The following IGF2BP1 variants were observed in gnomAD, a reference collection of about 807,000 sequenced individuals.
IGF2BP1 encodes the protein insulin-like growth factor 2 mRNA-binding protein 1.
In IGF2BP1, 11 loss-of-function variants were observed where a neutral mutation model predicts 74.9. That is an observed-to-expected ratio of 0.15 (90% CI 0.09 to 0.24). The LOEUF is 0.24. Ranked by LOEUF, IGF2BP1 falls within the 10% of genes least tolerant of loss-of-function variation. IGF2BP1 has a pLI of 1.00. For synonymous variants in IGF2BP1, 287 were observed against 281.8 expected (o/e 1.02, Z -0.18); for missense variants, 440 against 757.4 (o/e 0.58, Z 4.92).
At chr17:49,026,129 C>CA (rs1288173143) in intron 3 of IGF2BP1, among the ~76,000 whole-genome samples, 2 of 152,036 alleles carry the variant, frequency 1.3e-5, no homozygotes, top group Non-Finnish European at 2.9e-5. Flanking sequence ...CCCACAGCCC[C>CA]ATCTTTAGGT....
rs1330672692 is a variant in IGF2BP1 at position 49,055,060 on chromosome 17, T to TG, written c.*5617dup. ...TAAATTAGGTAGTGGCAGCTCCACT[T>TG]GCTTAGGTTAGGGGGGGAAAAAGAT... On this transcript the variant is annotated 3_prime_UTR_variant, in exon 15 of 15. Coordinates refer to ENST00000290341, the MANE Select transcript of IGF2BP1 (RefSeq NM_006546.4). 1.5e-4 allele frequency: 23 copies of TG among 150,510 alleles called. No individual in the cohort carries two copies. Among genetic ancestry groups the TG allele is most frequent in the Non-Finnish European group, 3.0e-5 (2 of 67,680 alleles). 9.3% of individuals were successfully genotyped at this position (150,510 alleles called of 1,614,324 possible). A position where few individuals can be genotyped will look rare whatever the true frequency, so the allele number is the denominator to read the frequency against.
chr17:49,016,891 G>A (rs889707751), intron 2 of IGF2BP1, among the ~76,000 whole-genome samples: 2 of 149,254 alleles, frequency 1.3e-5, no homozygotes, highest in Admixed American at 6.8e-5. Flanking sequence ...CTGGGCTTTC[G>A]GCCAGCTCCT....
chr17:49,032,207 G>A (rs2041930436), intron 5 of IGF2BP1, among the ~76,000 whole-genome samples: 2 of 152,120 alleles, frequency 1.3e-5, no homozygotes, highest in Non-Finnish European at 2.9e-5. Flanking sequence ...AAGATTGATA[G>A]CAAAAATACA....
Position 48,997,983 on chromosome 17 carries a change from C to G in IGF2BP1, c.175+63C>G. On this transcript the variant is annotated intron_variant, in intron 1 of 14. Coordinates refer to ENST00000290341, the MANE Select transcript of IGF2BP1 (RefSeq NM_006546.4). The surrounding 1 kb of genome is among the most constrained non-coding windows in gnomAD (Gnocchi z 4.8). ...GAGCCCCGAACAACGGAGACCCGCA[C>G]CTTCCGGTTCCTCTCCCGCCAACTC... The G allele has an allele frequency of 1.3e-6, 2 of 1,544,586 alleles. No homozygotes were observed. The highest frequency in any genetic ancestry group is 1.8e-6 in the Non-Finnish European group (2 of 1,136,534).
intron 2 of IGF2BP1, among the ~76,000 whole-genome samples, chr17:49,013,329 T>C (rs888648689): frequency 4.6e-5 from 7 of 152,064 alleles, no homozygotes; most frequent in East Asian, 1.9e-4. Context: ...AGGAGAGCCT[T>C]CTTTCTCTGC....
rs1160557171 is a variant in IGF2BP1, at chr17:49,052,870, C to T, written c.*3426C>T. The T allele has an allele frequency of 1.3e-5, 2 of 152,358 alleles. No homozygotes were observed. The highest frequency in any genetic ancestry group is 2.9e-5 in the Non-Finnish European group (2 of 68,010). 9.4% of individuals were successfully genotyped at this position (152,358 alleles called of 1,614,324 possible). A position where few individuals can be genotyped will look rare whatever the true frequency, so the allele number is the denominator to read the frequency against. ...CTACATATATATTTTTAAGAAAGGA[C>T]CATCTCTTTAGGATATATTTTTAAA... On this transcript the variant is annotated 3_prime_UTR_variant, in exon 15 of 15. Coordinates refer to ENST00000290341, the MANE Select transcript of IGF2BP1 (RefSeq NM_006546.4).
intron 2 of IGF2BP1, among the ~76,000 whole-genome samples, chr17:49,019,080 C>G (rs1328327024): frequency 6.6e-6 from 1 of 152,076 alleles, no homozygotes; most frequent in Non-Finnish European, 1.5e-5. Context: ...GGCAGTCCTC[C>G]CTCTAGGGAG....
At chr17:48,998,657 G>C (rs989279877) in intron 1 of IGF2BP1, among the ~76,000 whole-genome samples, 9 of 152,030 alleles carry the variant, frequency 5.9e-5, no homozygotes, top group Non-Finnish European at 1.0e-4. Flanking sequence ...CCCGACAGGT[G>C]ACCGCTCCGT....
At chr17:49,035,882 T>C (rs2041981329) in intron 5 of IGF2BP1, among the ~76,000 whole-genome samples, 1 of 152,122 alleles carries the variant, frequency 6.6e-6, no homozygotes, top group South Asian at 2.1e-4. Flanking sequence ...CCCAACTGGC[T>C]GGAAGGCAAC....
chr17:49,048,662 G>T (rs1359562163), intron 14 of IGF2BP1, among the ~76,000 whole-genome samples: 2 of 152,092 alleles, frequency 1.3e-5, no homozygotes, highest in Admixed American at 1.3e-4. Context: ...CAAACCCCGG[G>T]CCACGGACTG....
At chr17:49,001,598 CTA>C (rs1598119717) in intron 2 of IGF2BP1, among the ~76,000 whole-genome samples, 1 of 152,116 alleles carries the variant, frequency 6.6e-6, no homozygotes, top group East Asian at 1.9e-4. Context: ...AGGCCGAACA[CTA>C]TGCATTTCAA....
chr17:49,026,586 C>T (rs1598143842), intron 4 of IGF2BP1, 69 bp downstream of exon 4: 1 of 1,334,014 alleles, frequency 7.5e-7, no homozygotes. Flanking sequence ...ATTTGTTCTG[C>T]TTCACTTTGT....
chr17:49,034,776 AAAAAC>A (rs2144097791), intron 5 of IGF2BP1, among the ~76,000 whole-genome samples: 1 of 151,744 alleles, frequency 6.6e-6, no homozygotes, highest in African/African-American at 2.4e-5. Flanking sequence ...AAAAAAAACG[AAAAAC>A]CAAAAACACA....
At chr17:49,037,169 G>T (rs1367121635) in intron 5 of IGF2BP1, 3 of 459,966 alleles carry the variant, frequency 6.5e-6, no homozygotes, top group Admixed American at 2.9e-5. Flanking sequence ...AAGATGTTTG[G>T]ATCCCTAAAA....
At chr17:49,037,028 G>A (rs1490298124) in intron 5 of IGF2BP1, 1 of 226,758 alleles carries the variant, frequency 4.4e-6, no homozygotes, top group African/African-American at 2.4e-5. Flanking sequence ...CCATGGCTAT[G>A]GAGGGGTTTC....
intron 4 of IGF2BP1, among the ~76,000 whole-genome samples, chr17:49,028,929 C>G (rs1472643482): frequency 6.6e-6 from 1 of 152,138 alleles, no homozygotes; most frequent in Non-Finnish European, 1.5e-5. Context: ...TGCCTCAGCT[C>G]CCAAGTAGCT....
intron 2 of IGF2BP1, among the ~76,000 whole-genome samples, chr17:48,999,803 C>G (rs1167214721): frequency 6.6e-6 from 1 of 151,694 alleles, no homozygotes; most frequent in Non-Finnish European, 1.5e-5. Flanking sequence ...CTATCCTTTT[C>G]GAGCCCCCCT....
At position 49,032,006 on chromosome 17, in the gene IGF2BP1, T is replaced by TG. The variant is rs34685424; in HGVS notation, c.401+42dup. The TG allele has an allele frequency of 2.4e-3, 2,182 of 897,550 alleles. 1 individual carries two copies. Among genetic ancestry groups the TG allele is most frequent in the Middle Eastern group, 5.9e-3 (25 of 4,258 alleles). 55.6% of individuals were successfully genotyped at this position (897,550 alleles called of 1,614,324 possible). ...GGCTGGGAAGTGGGGCTGGGTGCGGTGGGGGGGGGTTCTGTGAAGGGTGGT... is the reference window on the plus strand; with the variant it reads ...GGCTGGGAAGTGGGGCTGGGTGCGGTGGGGGGGGGGTTCTGTGAAGGGTGGT... On this transcript the variant is annotated intron_variant, in intron 5 of 14. Transcript: ENST00000290341.
intron 12 of IGF2BP1, 52 bp from the exon 13 acceptor site, chr17:49,045,838 C>T: frequency 1.9e-6 from 3 of 1,575,750 alleles, no homozygotes; most frequent in South Asian, 1.2e-5. Flanking sequence ...CCACTTTTCT[C>T]TTTTGTCACA....
Sources: gnomAD v4.1 joint callset for allele counts (sites outside exome capture counted in the v4.1 genomes callset) on GRCh38, gnomAD v4.1.1 for gene constraint, Gnocchi (gnomAD v3.1) non-coding constraint, MANE v1.5 for transcripts, NCBI Gene and HGNC (gene_info 2026-07-23, HGNC 2026-07-21) for gene names.